BMPER: variants seen among roughly 807,000 people sequenced by gnomAD.
BMPER encodes BMP-binding endothelial regulator protein.
A neutral mutation model predicts 87.3 loss-of-function variants in BMPER; 45 were observed. That is an observed-to-expected ratio of 0.52 (90% CI 0.41 to 0.66). The LOEUF is 0.66. Among genes scored for constraint, BMPER ranks in the 30% least tolerant of loss-of-function variants. The pLI is 0.00. For synonymous variants in BMPER, 326 were observed against 316.2 expected, an observed-to-expected ratio of 1.03 and a Z score of -0.33; for missense variants, 784 against 867.5, an observed-to-expected ratio of 0.90 and a Z score of 1.21.
chr7:34,122,332 T>G (rs907807192), intron 13 of BMPER, among the ~76,000 whole-genome samples: 1 of 152,270 alleles, frequency 6.6e-6, no homozygotes, highest in African/African-American at 2.4e-5. Context: ...AGTAGCTCGG[T>G]TTTAGACCAG....
intron 11 of BMPER, among the ~76,000 whole-genome samples, chr7:34,063,799 A>G (rs990852202): frequency 1.4e-4 from 21 of 152,238 alleles, no homozygotes; most frequent in Non-Finnish European, 5.9e-5. Context: ...ACACTGATGA[A>G]GTTTTCCTCT....
In BMPER at chr7:34,127,762, CT is replaced by C. The variant is rs547246552; in HGVS notation, c.1746-15467del. Among the ~76,000 whole-genome samples, 25 of 152,278 alleles carry C rather than the reference CT, an allele frequency of 1.6e-4. 1 individual carries two copies. In the South Asian group the frequency reaches 4.4e-3, roughly 27 times the overall value. ...GACCCTTTTTCAGGCTCTATACATT[CT>C]CCTATCTCAATGCTTTATGTCCCCT... On this transcript the variant is annotated intron_variant, in intron 13 of 14. Coordinates refer to ENST00000649409, the MANE Select transcript of BMPER (RefSeq NM_001365308.1).
intron 11 of BMPER, among the ~76,000 whole-genome samples, chr7:34,064,898 A>G (rs1788536751): frequency 6.6e-6 from 1 of 152,180 alleles, no homozygotes; most frequent in South Asian, 2.1e-4. Context: ...AGCAATGCCC[A>G]GTTTTTCTTA....
At chr7:34,086,755 T>C (rs1282444336) in intron 13 of BMPER, among the ~76,000 whole-genome samples, 2 of 152,174 alleles carry the variant, frequency 1.3e-5, no homozygotes, top group Non-Finnish European at 2.9e-5. Context: ...GCAAAGCAAC[T>C]GGTTACAAAG....
rs764743002 is a variant in BMPER at position 34,086,083 on chromosome 7, C to G, written c.1736C>G (p.Thr579Ser). Residue 579 changes from threonine to serine, a missense_variant, in exon 13 of 15, where the codon ACT (threonine) becomes AGT (serine). Coordinates refer to ENST00000649409, the MANE Select transcript of BMPER (RefSeq NM_001365308.1). The part of the protein sequence containing the change: ...QTCHSTVDYA[T>S]FYRSCVTDMC... ...TGCCACTCGACTGTGGACTACGCCA[C>G]TTTCTACCGGTAAGTACAGTGTTCT... is the stretch of plus-strand genomic sequence containing the variant. 4 of 1,613,912 alleles carry G rather than the reference C, an allele frequency of 2.5e-6. No homozygotes were observed. Among genetic ancestry groups the G allele is most frequent in the Middle Eastern group, 1.6e-4 (1 of 6,062 alleles).
chr7:34,085,901 T>C lies in BMPER; in HGVS notation c.1554T>C (p.Asp518=). 6.2e-7 allele frequency: 1 copy of C among 1,614,136 alleles called. No individual in the cohort carries two copies. Among genetic ancestry groups the C allele is most frequent in the Non-Finnish European group, 8.5e-7 (1 of 1,180,024 alleles). The part of the protein sequence containing the change: ...LIGGDGNFKF[D]VDDFAESWRV... ...GTGGAGATGGAAACTTCAAGTTTGATGTGGATGACTTTGCTGAATCTTGGA... is the reference window on the plus strand; with the variant it reads ...GTGGAGATGGAAACTTCAAGTTTGACGTGGATGACTTTGCTGAATCTTGGA... Residue 518 remains aspartate, a synonymous_variant, in exon 13 of 15, where the codon GAT becomes GAC. Transcript: ENST00000649409.
At chr7:33,968,323 A>G (rs1046114315) in intron 4 of BMPER, among the ~76,000 whole-genome samples, 1 of 152,194 alleles carries the variant, frequency 6.6e-6, no homozygotes, top group African/African-American at 2.4e-5. Flanking sequence ...TCCTTTGCTC[A>G]GCTGGGACCT....
At chr7:34,141,828 A>C (rs2127994321) in intron 13 of BMPER, among the ~76,000 whole-genome samples, 1 of 152,070 alleles carries the variant, frequency 6.6e-6, no homozygotes, top group South Asian at 2.1e-4. Flanking sequence ...GGGCTGCAAT[A>C]ACTTTGTGGG....
At chr7:33,967,529 C>T (rs1468651194) in intron 4 of BMPER, among the ~76,000 whole-genome samples, 1 of 152,148 alleles carries the variant, frequency 6.6e-6, no homozygotes, top group African/African-American at 2.4e-5. Context: ...AAATATTCAG[C>T]TTATTTATAT....
chr7:34,122,961 A>G (rs574518695), intron 13 of BMPER, among the ~76,000 whole-genome samples: 5 of 152,314 alleles, frequency 3.3e-5, no homozygotes, highest in African/African-American at 1.2e-4. Flanking sequence ...TTAATATAAT[A>G]TTTCTTTATA....
At chr7:34,111,350 C>T (rs988206500) in intron 13 of BMPER, among the ~76,000 whole-genome samples, 8 of 152,146 alleles carry the variant, frequency 5.3e-5, no homozygotes, top group Non-Finnish European at 7.4e-5. Context: ...AATTGGTTCC[C>T]CAGTTACCTT....
At chr7:33,964,222 A>G (rs898668860) in intron 3 of BMPER, among the ~76,000 whole-genome samples, 3 of 152,308 alleles carry the variant, frequency 2.0e-5, no homozygotes, top group African/African-American at 7.2e-5. Context: ...GAGTCCTTAC[A>G]TATGAAATCC....
intron 6 of BMPER, among the ~76,000 whole-genome samples, chr7:34,000,653 G>T (rs937621901): frequency 6.6e-5 from 10 of 152,100 alleles, no homozygotes; most frequent in African/African-American, 2.4e-4. Flanking sequence ...GATTCTAGGT[G>T]AAGGACATTT....
intron 3 of BMPER, among the ~76,000 whole-genome samples, chr7:33,944,224 A>C (rs567899604): frequency 7.2e-4 from 109 of 151,996 alleles, no homozygotes; most frequent in Non-Finnish European, 3.1e-4. Flanking sequence ...GGAGTGCAGT[A>C]GTGTGATCTC....
At chr7:34,101,654 C>A (rs538340322) in intron 13 of BMPER, among the ~76,000 whole-genome samples, 46 of 152,324 alleles carry the variant, frequency 3.0e-4, no homozygotes, top group Non-Finnish European at 5.3e-4. Flanking sequence ...CATTTCCCTC[C>A]TGGACCCTTT....
At chr7:34,050,645 C>T (rs753143869) in intron 7 of BMPER, among the ~76,000 whole-genome samples, 3 of 151,910 alleles carry the variant, frequency 2.0e-5, no homozygotes, top group East Asian at 1.9e-4. Context: ...AAGAGTGGTA[C>T]GAATAGAAAT....
intron 9 of BMPER, among the ~76,000 whole-genome samples, chr7:34,056,705 C>A (rs1433301148): frequency 6.6e-6 from 1 of 151,876 alleles, no homozygotes; most frequent in Non-Finnish European, 1.5e-5. Flanking sequence ...GCAACCTCCA[C>A]CTCCCGGGTT....
chr7:34,039,992 G>A (rs1787793684), intron 6 of BMPER, among the ~76,000 whole-genome samples: 1 of 152,012 alleles, frequency 6.6e-6, no homozygotes, highest in Admixed American at 6.6e-5. Context: ...AGAATTCTAA[G>A]TTATTGTGAC....
chr7:33,976,401 C>T (rs544485220), intron 6 of BMPER, among the ~76,000 whole-genome samples: 1 of 152,310 alleles, frequency 6.6e-6, no homozygotes, highest in East Asian at 1.9e-4. Flanking sequence ...GATCTACCCA[C>T]CTCAGCCTCC....
Sources: gnomAD v4.1 joint callset for allele counts (sites outside exome capture counted in the v4.1 genomes callset) on GRCh38, gnomAD v4.1.1 for gene constraint, MANE v1.5 for transcripts, NCBI Gene and HGNC (gene_info 2026-07-23, HGNC 2026-07-21) for gene names.